USH2A: variants seen among roughly 807,000 people sequenced by gnomAD.
USH2A encodes the protein Usher syndrome 2A (autosomal recessive, mild).
In USH2A, 443 loss-of-function variants were observed where a neutral mutation model predicts 538.9. The ratio of observed to expected loss-of-function variants is 0.82; its 90% CI spans 0.76 to 0.89. USH2A has a LOEUF of 0.89. Among genes scored for constraint, USH2A ranks in the 40% least tolerant of loss-of-function variants. The probability of loss-of-function intolerance (pLI) is 0.00; values close to 1 mark genes in which losing one functional copy is unlikely to be tolerated. For synonymous variants in USH2A, 2,413 were observed against 2,273.5 expected (o/e 1.06, Z -1.75); for missense variants, 6,633 against 6,324.8 (o/e 1.05, Z -1.65).
intron 11 of USH2A, among the ~76,000 whole-genome samples, chr1:216,267,760 T>A (rs2036503477): frequency 6.6e-6 from 1 of 152,154 alleles, no homozygotes; most frequent in African/African-American, 2.4e-5. Context: ...AGAATTATTA[T>A]GTCTTGTCTG....
rs942914140 is a variant in USH2A, at chr1:215,964,513, C to T, written c.7120+804G>A. ...CATAGAAAATTCAGAAACAAAGAAA[C>T]GTTTTCAAGCCTAAGCAACAGACTA... On this transcript the variant is annotated intron_variant, in intron 37 of 71. Coordinates refer to ENST00000307340, the MANE Select transcript of USH2A (RefSeq NM_206933.4). Among the ~76,000 whole-genome samples the T allele has an allele frequency of 2.6e-5, 4 of 152,050 alleles. No homozygotes were observed. In the East Asian group the frequency reaches 5.8e-4, roughly 22 times the overall value.
intron 61 of USH2A, among the ~76,000 whole-genome samples, chr1:215,713,302 G>A (rs1443729984): frequency 2.0e-5 from 3 of 152,146 alleles, no homozygotes; most frequent in Non-Finnish European, 2.9e-5. Context: ...TCTGCGGGAG[G>A]CACTATTAGG....
chr1:215,853,505 T>G (rs967444093), intron 44 of USH2A, among the ~76,000 whole-genome samples: 1 of 152,246 alleles, frequency 6.6e-6, no homozygotes, highest in African/African-American at 2.4e-5. Context: ...TTAGGTAAAT[T>G]ATGTAAATTT....
intron 3 of USH2A, among the ~76,000 whole-genome samples, chr1:216,412,200 A>T (rs2039500564): frequency 6.6e-6 from 1 of 152,132 alleles, no homozygotes; most frequent in Non-Finnish European, 1.5e-5. Context: ...GGAGTTACAT[A>T]GTTTTCCCAG....
At chr1:216,020,105 G>A (rs1668813513) in intron 32 of USH2A, among the ~76,000 whole-genome samples, 1 of 151,978 alleles carries the variant, frequency 6.6e-6, no homozygotes, top group South Asian at 2.1e-4. Flanking sequence ...CATTTCTGTG[G>A]GAAAGACACT....
At chr1:215,640,436 G>C (rs1656635508) in intron 68 of USH2A, 122 bp downstream of exon 68, 1 of 1,280,080 alleles carries the variant, frequency 7.8e-7, no homozygotes, top group East Asian at 2.4e-5. Context: ...TCACAAGAAG[G>C]GGGCACTTAA....
chr1:215,908,999 T>C (rs1185203348), intron 38 of USH2A, among the ~76,000 whole-genome samples: 1 of 149,216 alleles, frequency 6.7e-6, no homozygotes, highest in Non-Finnish European at 1.5e-5. Context: ...TATATAATAA[T>C]AATACAAGTA....
rs1383072981 is a variant in USH2A, at chr1:216,140,244, AC to A, written c.4627+35007del. 2.6e-5 allele frequency among the ~76,000 whole-genome samples: 4 copies of A among 152,198 alleles called. No homozygotes were observed. In the East Asian group the frequency reaches 7.7e-4, roughly 29 times the overall value. ...TGAACCTCACTAGAATACAGCTCCC[AC>A]AAAGAAAGGAATTTTGTCTCTTATG... On this transcript the variant is annotated intron_variant, in intron 21 of 71. Transcript: ENST00000307340.
chr1:215,732,481 G>A (rs1387382117), intron 60 of USH2A, among the ~76,000 whole-genome samples: 1 of 147,996 alleles, frequency 6.8e-6, no homozygotes, highest in African/African-American at 2.5e-5. Flanking sequence ...CCATGGCTTT[G>A]GTATCTGCTA....
intron 10 of USH2A, among the ~76,000 whole-genome samples, chr1:216,290,714 T>C (rs2036984916): frequency 6.6e-6 from 1 of 152,148 alleles, no homozygotes; most frequent in Admixed American, 6.5e-5. Context: ...CCCCAGGAGT[T>C]TCTCCTATGT....
At chr1:216,040,413 A>G (rs1268899543) in intron 32 of USH2A, among the ~76,000 whole-genome samples, 1 of 152,044 alleles carries the variant, frequency 6.6e-6, no homozygotes, top group Non-Finnish European at 1.5e-5. Context: ...CTAACTAGGA[A>G]GCACAACTCG....
At chr1:216,174,013 A>G in intron 21 of USH2A, 1 of 985,152 alleles carries the variant, frequency 1.0e-6, no homozygotes, top group Non-Finnish European at 1.2e-6. Context: ...AATTTCTAAT[A>G]CTCTGCAATG....
At chr1:216,229,639 C>T (rs762277738) in intron 14 of USH2A, among the ~76,000 whole-genome samples, 10 of 152,074 alleles carry the variant, frequency 6.6e-5, no homozygotes, top group South Asian at 2.1e-4. Context: ...ATTGTAACTT[C>T]GGTATCTTCT....
intron 40 of USH2A, among the ~76,000 whole-genome samples, chr1:215,896,161 C>T (rs1271986032): frequency 6.6e-6 from 1 of 152,158 alleles, no homozygotes; most frequent in Admixed American, 6.5e-5. Context: ...TCGAATTCTA[C>T]AGGTTTTATG....
At chr1:215,961,574 G>A (rs1571849249) in intron 37 of USH2A, among the ~76,000 whole-genome samples, 1 of 150,972 alleles carries the variant, frequency 6.6e-6, no homozygotes, top group East Asian at 1.9e-4. Flanking sequence ...TAATAAGTAG[G>A]AAATTATATA....
intron 40 of USH2A, among the ~76,000 whole-genome samples, chr1:215,893,570 C>T (rs1460431908): frequency 6.6e-6 from 1 of 152,160 alleles, no homozygotes; most frequent in Non-Finnish European, 1.5e-5. Context: ...GCATATAATA[C>T]ACCCTCAATA....
At chr1:215,962,456 C>T (rs1276981679) in intron 37 of USH2A, among the ~76,000 whole-genome samples, 4 of 151,910 alleles carry the variant, frequency 2.6e-5, no homozygotes, top group Non-Finnish European at 5.9e-5. Flanking sequence ...TGCTCTAACC[C>T]GTTGAATATT....
intron 16 of USH2A, among the ~76,000 whole-genome samples, chr1:216,204,977 T>C (rs919624946): frequency 2.0e-5 from 3 of 152,182 alleles, no homozygotes; most frequent in Non-Finnish European, 4.4e-5. Flanking sequence ...TGAATACACA[T>C]TTATTATGTA....
chr1:216,401,702 A>T (rs1036189307), intron 3 of USH2A, among the ~76,000 whole-genome samples: 1 of 152,120 alleles, frequency 6.6e-6, no homozygotes, highest in Non-Finnish European at 1.5e-5. Context: ...CTAGAGGTTA[A>T]GAGGGACATT....
Sources: gnomAD v4.1 joint callset for allele counts (sites outside exome capture counted in the v4.1 genomes callset) on GRCh38, gnomAD v4.1.1 for gene constraint, MANE v1.5 for transcripts, NCBI Gene and HGNC (gene_info 2026-07-23, HGNC 2026-07-21) for gene names.